SMCO2: variants seen among roughly 807,000 people sequenced by gnomAD.
SMCO2 encodes the protein single-pass membrane and coiled-coil domain-containing protein 2.
SMCO2 carries 25 observed loss-of-function variants against 29.5 expected under a neutral mutation model. That is an observed-to-expected ratio of 0.85 (90% CI 0.62 to 1.18). The LOEUF (loss-of-function observed/expected upper bound fraction) is 1.18. Among genes scored for constraint, SMCO2 ranks in the 50% most tolerant of loss-of-function variants. The probability of loss-of-function intolerance (pLI) is 0.00; values close to 1 mark genes in which losing one functional copy is unlikely to be tolerated. For synonymous variants in SMCO2, 117 were observed against 123.3 expected, an observed-to-expected ratio of 0.95 and a Z score of 0.34; for missense variants, 348 against 344.5, an observed-to-expected ratio of 1.01 and a Z score of -0.08.
At chr12:27,424,805 G>T in the SMCO2 span, 10 of 152,292 alleles carry the variant, frequency 6.6e-5, no homozygotes, top group African/African-American at 2.2e-4. Flanking sequence ...GTGGCCACTA[G>T]GTGCCACTTT....
chr12:27,458,795 G>A, the SMCO2 span, among the ~76,000 whole-genome samples: 1 of 151,660 alleles, frequency 6.6e-6, no homozygotes, highest in Non-Finnish European at 1.5e-5. Flanking sequence ...GCTGAGGCAG[G>A]AGAATCGCTT....
At chr12:27,445,840 G>GGGTC in the SMCO2 span, among the ~76,000 whole-genome samples, 1 of 152,082 alleles carries the variant, frequency 6.6e-6, no homozygotes, top group Non-Finnish European at 1.5e-5. Flanking sequence ...TCTGTTTCTG[G>GGGTC]TGAGGGCTCT....
chr12:27,484,525 G>C (rs998220359), intron 4 of SMCO2, among the ~76,000 whole-genome samples: 16 of 152,018 alleles, frequency 1.1e-4, no homozygotes, highest in African/African-American at 3.4e-4. Context: ...TTTTTTCTCA[G>C]TACTTTAAAG....
the SMCO2 span, among the ~76,000 whole-genome samples, chr12:27,434,914 C>T: frequency 2.0e-5 from 3 of 152,108 alleles, no homozygotes; most frequent in African/African-American, 7.2e-5. Context: ...GCACCTGCTA[C>T]CAGGCCATGG....
intron 4 of SMCO2, among the ~76,000 whole-genome samples, chr12:27,478,566 C>G (rs1949610981): frequency 6.6e-6 from 1 of 152,172 alleles, no homozygotes; most frequent in African/African-American, 2.4e-5. Context: ...GCTGGGGGGG[C>G]CAGTCCTCAG....
At chr12:27,491,365 T>G (rs1003387618) in intron 5 of SMCO2, among the ~76,000 whole-genome samples, 8 of 152,192 alleles carry the variant, frequency 5.3e-5, no homozygotes, top group Non-Finnish European at 1.2e-4. Flanking sequence ...AGAATTTCCA[T>G]GTGAATTTCT....
chr12:27,472,818 A>G (rs1949552336), exon 3 of SMCO2: 2 of 1,550,874 alleles, frequency 1.3e-6, no homozygotes, highest in Non-Finnish European at 1.7e-6. Context: ...TCTTAGACAG[A>G]TCGGATGATG....
At chr12:27,487,624 T>C (rs1427736727) in intron 4 of SMCO2, among the ~76,000 whole-genome samples, 1 of 152,222 alleles carries the variant, frequency 6.6e-6, no homozygotes, top group Non-Finnish European at 1.5e-5. Flanking sequence ...TTTTAAGTTT[T>C]GACAGGAACT....
intron 6 of SMCO2, 23 bp downstream of exon 7, chr12:27,494,379 C>G: frequency 1.3e-6 from 2 of 1,486,242 alleles, no homozygotes; most frequent in Non-Finnish European, 1.8e-6. Context: ...TTACACAATT[C>G]AAACAATGAT....
chr12:27,498,265 T>C (rs1943035574), intron 7 of SMCO2: 1 of 240,340 alleles, frequency 4.2e-6, no homozygotes, highest in Admixed American at 4.0e-5. Context: ...CCAGTATCAA[T>C]GATCAGATGC....
chr12:27,428,804 A>G, the SMCO2 span, among the ~76,000 whole-genome samples: 2,552 of 142,726 alleles, frequency 0.018, 74 homozygotes, highest in African/African-American at 0.063. Flanking sequence ...GGGTAAATAC[A>G]TGAAATAAAT....
chr12:27,447,402 G>A, the SMCO2 span, among the ~76,000 whole-genome samples: 34 of 152,084 alleles, frequency 2.2e-4, no homozygotes, highest in Non-Finnish European at 4.0e-4. Context: ...GCTCTTCAGA[G>A]CCTTACTACT....
At chr12:27,427,167 A>G in the SMCO2 span, among the ~76,000 whole-genome samples, 2 of 152,214 alleles carry the variant, frequency 1.3e-5, no homozygotes, top group Admixed American at 6.5e-5. Context: ...GTGAAGAGTC[A>G]TCAAAATATG....
the SMCO2 span, among the ~76,000 whole-genome samples, chr12:27,457,448 C>G: frequency 3.3e-5 from 5 of 152,218 alleles, no homozygotes; most frequent in Non-Finnish European, 5.9e-5. Flanking sequence ...TCATTTAATT[C>G]TCAAAATAGT....
intron 4 of SMCO2, among the ~76,000 whole-genome samples, chr12:27,481,808 TTA>T (rs1255590238): frequency 4.6e-5 from 7 of 152,222 alleles, no homozygotes; most frequent in South Asian, 2.1e-4. Context: ...CATTCCCTTA[TTA>T]TATGATGTCT....
At chr12:27,499,408 A>G (rs1385224112) in intron 7 of SMCO2, among the ~76,000 whole-genome samples, 1 of 150,654 alleles carries the variant, frequency 6.6e-6, no homozygotes, top group African/African-American at 2.5e-5. Flanking sequence ...AAGTAGATTC[A>G]TGGTTTCCAG....
At chr12:27,434,928 G>A in the SMCO2 span, among the ~76,000 whole-genome samples, 13 of 152,116 alleles carry the variant, frequency 8.5e-5, no homozygotes, top group African/African-American at 1.4e-4. Flanking sequence ...GCCATGGAAG[G>A]TTCCACTCAC....
chr12:27,451,703 C>A, the SMCO2 span, among the ~76,000 whole-genome samples: 1,201 of 152,286 alleles, frequency 7.9e-3, 9 homozygotes, highest in Middle Eastern at 0.02. Context: ...CACATGTCTG[C>A]CTCAACAGCA....
At chr12:27,446,750 A>G in the SMCO2 span, 1 of 152,170 alleles carries the variant, frequency 6.6e-6, no homozygotes, top group Non-Finnish European at 1.5e-5. Context: ...GTTCTCAAAC[A>G]TTAGCTGTAC....
Sources: gnomAD v4.1 joint callset for allele counts (sites outside exome capture counted in the v4.1 genomes callset) on GRCh38, gnomAD v4.1.1 for gene constraint, MANE v1.5 for transcripts, NCBI Gene and HGNC (gene_info 2026-07-23, HGNC 2026-07-21) for gene names.